The following MARCHF1 variants were observed in gnomAD, a reference collection of about 807,000 sequenced individuals.
MARCHF1 encodes membrane associated ring-CH-type finger 1.
Under a neutral mutation model 54.2 loss-of-function variants are expected in MARCHF1, and 40 were observed. The ratio of observed to expected loss-of-function variants is 0.74; its 90% CI spans 0.57 to 0.96. The LOEUF is 0.96. Among genes scored for constraint, MARCHF1 ranks in the 40% least tolerant of loss-of-function variants. The pLI, the probability that MARCHF1 is intolerant of heterozygous loss-of-function variation, is 0.00. For synonymous variants in MARCHF1, 236 were observed against 236.3 expected, an observed-to-expected ratio of 1.00 and a Z score of 0.01; for missense variants, 586 against 656.5, an observed-to-expected ratio of 0.89 and a Z score of 1.17.
intron 3 of MARCHF1, among the ~76,000 whole-genome samples, chr4:163,868,435 A>G (rs916418163): frequency 2.0e-5 from 3 of 152,016 alleles, no homozygotes; most frequent in African/African-American, 7.2e-5. Context: ...CCAAACTAGT[A>G]AATATAAGAT....
intron 5 of MARCHF1, among the ~76,000 whole-genome samples, chr4:163,624,578 C>G (rs1001775902): frequency 2.0e-5 from 3 of 152,226 alleles, no homozygotes; most frequent in Non-Finnish European, 4.4e-5. Flanking sequence ...GACTAATCCT[C>G]AGACCACTAG....
intron 2 of MARCHF1, among the ~76,000 whole-genome samples, chr4:164,085,640 T>G (rs892252696): frequency 2.6e-5 from 4 of 151,798 alleles, no homozygotes; most frequent in African/African-American, 9.7e-5. Flanking sequence ...AGAAATAATA[T>G]GTAATTTAAG....
At chr4:163,817,801 G>A (rs536586209) in intron 4 of MARCHF1, among the ~76,000 whole-genome samples, 2 of 151,982 alleles carry the variant, frequency 1.3e-5, no homozygotes, top group East Asian at 3.9e-4. Flanking sequence ...ATGAGTTCAT[G>A]TCCTTTGTAG....
chr4:163,628,342 G>A lies in MARCHF1; in HGVS notation c.163-14949C>T, dbSNP rs186313908. 1.4e-4 allele frequency among the ~76,000 whole-genome samples: 21 copies of A among 152,086 alleles called. No homozygotes were observed. The East Asian group carries it at 2.3e-3, about 17-fold the overall frequency. On this transcript the variant is annotated intron_variant, in intron 5 of 9. Coordinates refer to ENST00000514618, the MANE Select transcript of MARCHF1 (RefSeq NM_001394959.1). ...TCAATAGATGCAGAAAAGGCCTTCC[G>A]TAAAATTCAACATGCTAAAATCTCT...
intron 4 of MARCHF1, among the ~76,000 whole-genome samples, chr4:163,792,012 A>C (rs1477525566): frequency 1.3e-5 from 2 of 152,188 alleles, no homozygotes; most frequent in African/African-American, 2.4e-5. Context: ...GGGAAAAAGT[A>C]ATGGATCTGG....
intron 5 of MARCHF1, among the ~76,000 whole-genome samples, chr4:163,697,966 C>T (rs557732295): frequency 7.9e-5 from 12 of 152,190 alleles, no homozygotes; most frequent in East Asian, 7.7e-4. Flanking sequence ...AGCACTTGCT[C>T]GAAGCCATCA....
chr4:163,985,538 G>T (rs941090532), intron 3 of MARCHF1, among the ~76,000 whole-genome samples: 5 of 152,008 alleles, frequency 3.3e-5, no homozygotes, highest in Admixed American at 6.6e-5. Context: ...ATCAACAAAA[G>T]AATTTTTAGA....
At chr4:164,199,671 CACACACACACAGAG>C (rs1481530681) in intron 1 of MARCHF1, among the ~76,000 whole-genome samples, 185 of 56,738 alleles carry the variant, frequency 3.3e-3, no homozygotes, top group South Asian at 0.017. Flanking sequence ...CACACACACA[CACACACACACAGAG>C]AGAGAGAGAG....
rs189930747 is a variant in MARCHF1 at position 164,022,513 on chromosome 4, G to C, written c.-247-33804C>G. ...GGCTCTAGGGAAAGAGGCGAGTTAA[G>C]GGAAGGATGGACAGCCCATTCTTGC... On this transcript the variant is annotated intron_variant, in intron 2 of 9. Transcript: ENST00000514618. Among the ~76,000 whole-genome samples the C allele has an allele frequency of 2.6e-5, 4 of 152,218 alleles. No homozygotes were observed. In the East Asian group the frequency reaches 7.8e-4, roughly 29 times the overall value.
Position 164,002,349 on chromosome 4 carries a change from T to C in MARCHF1, c.-247-13640A>G, listed in dbSNP as rs533568406. ...ATTAAAAAATTAATTTAAAAATCGATATAAGTAAAAAAACAAATGGAAAAT... is the reference window on the plus strand; with the variant it reads ...ATTAAAAAATTAATTTAAAAATCGACATAAGTAAAAAAACAAATGGAAAAT... On this transcript the variant is annotated intron_variant, in intron 2 of 9. Transcript: ENST00000514618. 5.3e-5 allele frequency among the ~76,000 whole-genome samples: 8 copies of C among 151,686 alleles called. No individual in the cohort carries two copies. The South Asian group carries it at 1.7e-3, about 31-fold the overall frequency.
At chr4:163,795,717 T>C (rs1489202539) in intron 4 of MARCHF1, among the ~76,000 whole-genome samples, 1 of 152,218 alleles carries the variant, frequency 6.6e-6, no homozygotes, top group Non-Finnish European at 1.5e-5. Context: ...ATTTTGAAAG[T>C]TATTTAATGT....
intron 4 of MARCHF1, among the ~76,000 whole-genome samples, chr4:163,734,355 T>C (rs1016306574): frequency 1.3e-5 from 2 of 152,162 alleles, no homozygotes; most frequent in African/African-American, 4.8e-5. Context: ...AAAGCATATG[T>C]GCAGACAGAC....
chr4:164,305,007 T>A (rs1224203808), intron 1 of MARCHF1, among the ~76,000 whole-genome samples: 1 of 152,160 alleles, frequency 6.6e-6, no homozygotes, highest in African/African-American at 2.4e-5. Flanking sequence ...CAAGGCATAG[T>A]CTAAGTTTCT....
intron 3 of MARCHF1, among the ~76,000 whole-genome samples, chr4:163,940,321 C>T (rs930478092): frequency 8.5e-5 from 13 of 152,094 alleles, no homozygotes; most frequent in East Asian, 3.9e-4. Flanking sequence ...TTGTGTCTTC[C>T]GTTGTATTTA....
chr4:163,701,459 A>T (rs980460772), intron 4 of MARCHF1, among the ~76,000 whole-genome samples: 13 of 152,136 alleles, frequency 8.5e-5, no homozygotes, highest in African/African-American at 2.9e-4. Flanking sequence ...CTCTTAAAGA[A>T]TTTTTTTATT....
At chr4:163,542,342 C>T (rs1329465242) in intron 9 of MARCHF1, among the ~76,000 whole-genome samples, 3 of 152,206 alleles carry the variant, frequency 2.0e-5, no homozygotes, top group African/African-American at 7.2e-5. Context: ...CAGTGTTCAG[C>T]ACCGGGGAGA....
At chr4:163,940,752 A>G (rs1751896262) in intron 3 of MARCHF1, among the ~76,000 whole-genome samples, 1 of 152,160 alleles carries the variant, frequency 6.6e-6, no homozygotes, top group African/African-American at 2.4e-5. Context: ...AAGAATTAAA[A>G]AGGACACAGT....
intron 2 of MARCHF1, among the ~76,000 whole-genome samples, chr4:164,102,929 G>C (rs1486599249): frequency 1.7e-5 from 2 of 116,934 alleles, no homozygotes; most frequent in African/African-American, 7.1e-5. Flanking sequence ...GATCTACCAA[G>C]CCAATGGAAA....
chr4:164,208,640 C>T lies in MARCHF1; in HGVS notation c.-322-96978G>A, dbSNP rs575192298. ...ATGATTCTTTAAAAGTAATGGCAGA[C>T]AAGGACAGTGCTATTTCAAGAGAAG... On this transcript the variant is annotated intron_variant, in intron 1 of 9. Coordinates refer to ENST00000514618, the MANE Select transcript of MARCHF1 (RefSeq NM_001394959.1). 6.6e-4 allele frequency among the ~76,000 whole-genome samples: 100 copies of T among 152,260 alleles called. 2 individuals are homozygous for T. The highest frequency in any genetic ancestry group is 3.4e-3 in the Middle Eastern group (1 of 294).
Sources: gnomAD v4.1 joint callset for allele counts (sites outside exome capture counted in the v4.1 genomes callset) on GRCh38, gnomAD v4.1.1 for gene constraint, MANE v1.5 for transcripts, NCBI Gene and HGNC (gene_info 2026-07-23, HGNC 2026-07-21) for gene names.